Variants in C9orf153 observed in about 807,000 individuals in gnomAD.
C9orf153 encodes the protein uncharacterized protein C9orf153.
A neutral mutation model predicts 9.0 loss-of-function variants in C9orf153; 10 were observed. The observed-to-expected ratio is 1.11, with a 90% CI of 0.69 to 1.89. C9orf153 has a LOEUF of 1.89. Among genes scored for constraint, C9orf153 ranks in the 40% most tolerant of loss-of-function variants. C9orf153 has a pLI of 0.00. For synonymous variants in C9orf153, 35 were observed against 37.3 expected (o/e 0.94, Z 0.23); for missense variants, 108 against 111.0 (o/e 0.97, Z 0.12).
At chr9:86,227,324 T>C in intron 3 of C9orf153, 1 of 1,460,362 alleles carries the variant, frequency 6.8e-7, no homozygotes, top group Non-Finnish European at 9.0e-7. Flanking sequence ...TTTTTATTTA[T>C]TTATTTATTT....
At chr9:86,230,380 C>A (rs557366889) in intron 1 of C9orf153, among the ~76,000 whole-genome samples, 1 of 152,222 alleles carries the variant, frequency 6.6e-6, no homozygotes, top group Non-Finnish European at 1.5e-5. Flanking sequence ...TGGCTCACTG[C>A]AACCTCTGCA....
At chr9:86,242,450 T>TA (rs1415231343) in intron 1 of C9orf153, among the ~76,000 whole-genome samples, 12 of 152,298 alleles carry the variant, frequency 7.9e-5, no homozygotes, top group African/African-American at 2.6e-4. Context: ...TTTTCTAACT[T>TA]ACATTTATTC....
intron 1 of C9orf153, among the ~76,000 whole-genome samples, chr9:86,232,869 A>G (rs1241277183): frequency 1.3e-5 from 2 of 152,030 alleles, no homozygotes; most frequent in Admixed American, 1.3e-4. Context: ...AGCAGCTGGG[A>G]CTACAGGCAA....
Position 86,221,631 on chromosome 9 carries a change from T to G in C9orf153, c.*57A>C. 6.5e-7 allele frequency: 1 copy of G among 1,541,240 alleles called. No homozygotes were observed. The highest frequency in any genetic ancestry group is 8.7e-7 in the Non-Finnish European group (1 of 1,142,924). On this transcript the variant is annotated 3_prime_UTR_variant, in exon 4 of 4. Coordinates refer to ENST00000339137, the MANE Select transcript of C9orf153 (RefSeq NM_001276366.4). ...GCTCTCTACAAATCTCTTCTCAGTG[T>G]TGTATTTTATGTCTCCGAATGAAAT...
Position 86,227,841 on chromosome 9 carries a change from T to A in C9orf153, c.242+14A>T. 6.3e-7 allele frequency: 1 copy of A among 1,594,930 alleles called. No individual in the cohort carries two copies. The highest frequency in any genetic ancestry group is 8.5e-7 in the Non-Finnish European group (1 of 1,172,550). On this transcript the variant is annotated intron_variant, in intron 3 of 3. Coordinates refer to ENST00000339137, the MANE Select transcript of C9orf153 (RefSeq NM_001276366.4). Reference sequence around the variant, plus strand: ...ATCATGGATGCTTGCTTCTCTTTTTTAACCACTGTGCACCTGATAACAGGT... The same window carrying A: ...ATCATGGATGCTTGCTTCTCTTTTTAAACCACTGTGCACCTGATAACAGGT...
At position 86,228,021 on chromosome 9, in the gene C9orf153, A is replaced by T. The variant is rs1321051331; in HGVS notation, c.76T>A (p.Leu26Ile). 1 of 1,599,018 alleles carries T rather than the reference A, an allele frequency of 6.3e-7. No homozygotes were observed. Among genetic ancestry groups the T allele is most frequent in the South Asian group, 1.1e-5 (1 of 87,924 alleles). The change falls in exon 3 of 4, where the codon TTA (leucine) becomes ATA (isoleucine). Residue 26 changes from leucine to isoleucine, a missense_variant. Physicochemically the swap from Leu to Ile is conservative, Grantham distance 5 (BLOSUM62 2). Transcript: ENST00000339137. ...ATLPQCSLPELYACIENFNKE... is the reference protein window; with the variant it reads ...ATLPQCSLPEIYACIENFNKE... ...TTAAAATTCTCAATACATGCATATA[A>T]TTCTGGAAGCTGTGGACAAAAAAAA... is the stretch of plus-strand genomic sequence containing the variant.
rs1038202097 is a variant in C9orf153 at position 86,231,638 on chromosome 9, C to CAT, written c.-26-2011_-26-2010dup. The stretch of plus-strand genomic sequence containing the variant: ...ATACATGTATGTATATGCATATATA[C>CAT]ATATATATATAAAATCTCAAATACA... On this transcript the variant is annotated intron_variant, in intron 1 of 3. Transcript: ENST00000339137. Among the ~76,000 whole-genome samples the CAT allele has an allele frequency of 7.1e-5, 10 of 141,324 alleles. No homozygotes were observed. The East Asian group carries it at 1.2e-3, about 16-fold the overall frequency. 92.7% of individuals were successfully genotyped at this position (141,324 alleles called of 152,430 possible). A position where few individuals can be genotyped will look rare whatever the true frequency, so the allele number is the denominator to read the frequency against.
chr9:86,223,286 G>A (rs562265506), intron 3 of C9orf153, among the ~76,000 whole-genome samples: 8 of 152,040 alleles, frequency 5.3e-5, no homozygotes, highest in Non-Finnish European at 1.2e-4. Context: ...TGGCCAACAG[G>A]GAGAAACCTG....
rs749302374 is a variant in C9orf153 at position 86,227,988 on chromosome 9, T to G, written c.109A>C (p.Ser37Arg). Residue 37 changes from serine (S) to arginine (R), a missense_variant, in exon 3 of 4, where the codon AGC becomes CGC. Physicochemically the swap from Ser to Arg is moderately radical, Grantham distance 110. Transcript: ENST00000339137. The part of the protein sequence containing the change: ...YACIENFNKE[S>R]KKSNLLKMHG... ...ATTTTTAGAAGATTTGATTTCTTGCTCTCCTTATTAAAATTCTCAATACAT... is the reference window on the plus strand; with the variant it reads ...ATTTTTAGAAGATTTGATTTCTTGCGCTCCTTATTAAAATTCTCAATACAT... 1 of 1,612,746 alleles carries G rather than the reference T, an allele frequency of 6.2e-7. No individual in the cohort carries two copies. Among genetic ancestry groups the G allele is most frequent in the Non-Finnish European group, 8.5e-7 (1 of 1,179,434 alleles).
intron 1 of C9orf153, among the ~76,000 whole-genome samples, chr9:86,247,359 T>C (rs1161415369): frequency 6.6e-6 from 1 of 152,184 alleles, no homozygotes; most frequent in East Asian, 1.9e-4. Context: ...CTAACCTTTC[T>C]ATTTTGTTTT....
intron 1 of C9orf153, among the ~76,000 whole-genome samples, chr9:86,240,154 GACACATGT>G (rs1824698726): frequency 6.6e-6 from 1 of 152,008 alleles, no homozygotes; most frequent in African/African-American, 2.4e-5. Flanking sequence ...ACAACTTTCT[GACACATGT>G]ACAATTATAA....
At chr9:86,237,075 TACTC>T (rs1286950750) in intron 1 of C9orf153, among the ~76,000 whole-genome samples, 2 of 151,964 alleles carry the variant, frequency 1.3e-5, no homozygotes, top group African/African-American at 4.8e-5. Flanking sequence ...TATTATAAGG[TACTC>T]ACACTGCCTG....
intron 1 of C9orf153, among the ~76,000 whole-genome samples, chr9:86,241,121 C>G (rs1284818371): frequency 6.6e-6 from 1 of 152,134 alleles, no homozygotes. Context: ...GAGACAGCCC[C>G]CTCTTTGCTT....
At position 86,227,982 on chromosome 9, in the gene C9orf153, T is replaced by G. The variant is rs755989730; in HGVS notation, c.115A>C (p.Lys39Gln). The change falls in exon 3 of 4, where the codon AAA becomes CAA. Residue 39 changes from lysine (K) to glutamine (Q), a missense_variant. Physicochemically the swap from Lys to Gln is moderately conservative, Grantham distance 53. Coordinates refer to ENST00000339137, the MANE Select transcript of C9orf153 (RefSeq NM_001276366.4). ...CIENFNKESK[K>Q]SNLLKMHGIS... ...CCATGCATTTTTAGAAGATTTGATT[T>G]CTTGCTCTCCTTATTAAAATTCTCA... The G allele has an allele frequency of 6.2e-7, 1 of 1,613,396 alleles. No homozygotes were observed. Among genetic ancestry groups the G allele is most frequent in the South Asian group, 1.1e-5 (1 of 90,930 alleles).
intron 3 of C9orf153, among the ~76,000 whole-genome samples, chr9:86,223,799 C>G (rs1260034651): frequency 6.6e-6 from 1 of 152,162 alleles, no homozygotes. Context: ...GTGAAGATGT[C>G]TTTTGGACAT....
At chr9:86,236,303 C>T (rs543820758) in intron 1 of C9orf153, among the ~76,000 whole-genome samples, 9 of 152,182 alleles carry the variant, frequency 5.9e-5, no homozygotes, top group Admixed American at 5.2e-4. Flanking sequence ...GTAATCCCAG[C>T]ACTTTGAGAG....
At chr9:86,235,767 A>AAG (rs1563999775) in intron 1 of C9orf153, among the ~76,000 whole-genome samples, 21 of 145,908 alleles carry the variant, frequency 1.4e-4, no homozygotes, top group African/African-American at 3.9e-4. Context: ...AAAAAAAAAA[A>AAG]AGAGAGAGAG....
chr9:86,245,001 A>G (rs1305615537), intron 1 of C9orf153, among the ~76,000 whole-genome samples: 2 of 152,252 alleles, frequency 1.3e-5, no homozygotes, highest in Admixed American at 6.5e-5. Context: ...ATCTCAGCTC[A>G]CTGCAACCTC....
chr9:86,240,660 G>A (rs1343179411), intron 1 of C9orf153, among the ~76,000 whole-genome samples: 2 of 150,318 alleles, frequency 1.3e-5, no homozygotes, highest in East Asian at 3.9e-4. Context: ...TTACATGCGT[G>A]AGCCACCGCA....
Sources: gnomAD v4.1 joint callset for allele counts (sites outside exome capture counted in the v4.1 genomes callset) on GRCh38, gnomAD v4.1.1 for gene constraint, MANE v1.5 for transcripts, NCBI Gene and HGNC (gene_info 2026-07-23, HGNC 2026-07-21) for gene names.